NWD2: variants seen among roughly 807,000 people sequenced by gnomAD.
NWD2 encodes the protein NACHT and WD repeat domain containing 2, also known as NACHT and WD repeat domain-containing protein 2.
Under a neutral mutation model 132.7 loss-of-function variants are expected in NWD2, and 37 were observed. That is an observed-to-expected ratio of 0.28 (90% confidence interval 0.21 to 0.37). NWD2 has a LOEUF of 0.37. NWD2 is among the 10% of genes least tolerant of loss of function. The probability of loss-of-function intolerance (pLI) is 1.00; values close to 1 mark genes in which losing one functional copy is unlikely to be tolerated. For synonymous variants in NWD2, 705 were observed against 803.0 expected, an observed-to-expected ratio of 0.88 and a Z score of 2.06; for missense variants, 1,592 against 2,122.4, an observed-to-expected ratio of 0.75 and a Z score of 4.91.
intron 3 of NWD2, among the ~76,000 whole-genome samples, chr4:37,395,742 G>A (rs929592572): frequency 9.2e-5 from 14 of 151,480 alleles, no homozygotes; most frequent in South Asian, 4.2e-4. Flanking sequence ...CTATTTCTCC[G>A]TTTTTCAGGT....
intron 2 of NWD2, among the ~76,000 whole-genome samples, chr4:37,348,646 A>ATG (rs1719691715): frequency 5.4e-5 from 1 of 18,616 alleles, no homozygotes; most frequent in Non-Finnish European, 1.0e-4. Context: ...TCATATATAT[A>ATG]TATATATATA....
rs568505993 is a variant in NWD2 at position 37,345,883 on chromosome 4, C to A, written c.241-10483C>A. ...ATCACCTGAGGTTAGGAGTTAGAGA[C>A]CAGCATGGCCAACATGGCAAAATCC... On this transcript the variant is annotated intron_variant, in intron 2 of 6. Coordinates refer to ENST00000309447, the MANE Select transcript of NWD2 (RefSeq NM_001144990.2). 1.1e-4 allele frequency among the ~76,000 whole-genome samples: 17 copies of A among 152,100 alleles called. No individual in the cohort carries two copies. The South Asian group carries it at 3.5e-3, about 32-fold the overall frequency.
rs1181387441 is a variant in NWD2 at position 37,444,716 on chromosome 4, C to A, written c.2728C>A (p.Leu910Ile). The change falls in exon 7 of 7, where the codon CTT becomes ATT. Residue 910 changes from leucine to isoleucine, a missense_variant. Coordinates refer to ENST00000309447, the MANE Select transcript of NWD2 (RefSeq NM_001144990.2). This position sits in a 1 kb window ranked among gnomAD's most constrained non-coding sequence, Gnocchi z 4.8. ...KNKVTAFPGS[L>I]SAELQQRLLP... is the part of the protein sequence containing the mutation. ...CAAGGTCACTGCATTTCCCGGCTCC[C>A]TTTCAGCAGAGCTTCAGCAAAGACT... is the stretch of plus-strand genomic sequence containing the variant. The A allele has an allele frequency of 6.4e-7, 1 of 1,552,106 alleles. No individual in the cohort carries two copies. Among genetic ancestry groups the A allele is most frequent in the Non-Finnish European group, 8.7e-7 (1 of 1,147,106 alleles).
intron 3 of NWD2, among the ~76,000 whole-genome samples, chr4:37,385,982 T>TAA (rs1720559019): frequency 6.6e-6 from 1 of 152,184 alleles, no homozygotes; most frequent in African/African-American, 2.4e-5. Flanking sequence ...ATTTGGAGAT[T>TAA]AAAGTTTTTT....
chr4:37,274,258 G>T (rs1452214570), intron 1 of NWD2, among the ~76,000 whole-genome samples: 1 of 151,914 alleles, frequency 6.6e-6, no homozygotes, highest in Admixed American at 6.6e-5. Context: ...TATCACCACC[G>T]ATCCCACAGA....
At chr4:37,405,897 A>G (rs913586268) in intron 3 of NWD2, among the ~76,000 whole-genome samples, 2 of 152,220 alleles carry the variant, frequency 1.3e-5, no homozygotes, top group Admixed American at 6.5e-5. Flanking sequence ...TGATCAGGCA[A>G]TTTGGCTTAG....
At chr4:37,394,799 GTTTTTTTTTTTTT>G (rs1175840735) in intron 3 of NWD2, among the ~76,000 whole-genome samples, 3 of 52,596 alleles carry the variant, frequency 5.7e-5, no homozygotes, top group Non-Finnish European at 9.6e-5. Flanking sequence ...AACCTTTATG[GTTTTTTTTTTTTT>G]TTTTTTTTTT....
At chr4:37,348,092 C>T (rs1417013065) in intron 2 of NWD2, among the ~76,000 whole-genome samples, 1 of 152,074 alleles carries the variant, frequency 6.6e-6, no homozygotes, top group Non-Finnish European at 1.5e-5. Context: ...TAAAATCATA[C>T]AAAAATGGAG....
rs16993492 is a variant in NWD2 at position 37,379,969 on chromosome 4, C to T, written c.357+23487C>T. Among the ~76,000 whole-genome samples, 797 of 152,246 alleles carry T rather than the reference C, an allele frequency of 5.2e-3. 9 individuals carry two copies. Among genetic ancestry groups the T allele is most frequent in the African/African-American group, 0.018 (760 of 41,548 alleles). ...AAGAGCAGAAATTACTGGAAACAAC[C>T]GAAAAGTAAAGGCAAGAAGCATTTG... is the stretch of plus-strand genomic sequence containing the variant. On this transcript the variant is annotated intron_variant, in intron 3 of 6. Coordinates refer to ENST00000309447, the MANE Select transcript of NWD2 (RefSeq NM_001144990.2).
chr4:37,386,825 A>G (rs1028542487), intron 3 of NWD2, among the ~76,000 whole-genome samples: 3 of 149,276 alleles, frequency 2.0e-5, no homozygotes, highest in African/African-American at 5.2e-5. Flanking sequence ...TTCACGCAAG[A>G]TCTGGTTGTG....
intron 3 of NWD2, among the ~76,000 whole-genome samples, chr4:37,402,588 G>T (rs1051013890): frequency 2.6e-5 from 4 of 152,134 alleles, no homozygotes; most frequent in Non-Finnish European, 4.4e-5. Context: ...CCCATATCTA[G>T]AATTTTTATC....
chr4:37,283,295 T>G (rs1218067574), intron 1 of NWD2, among the ~76,000 whole-genome samples: 1 of 152,180 alleles, frequency 6.6e-6, no homozygotes, highest in Non-Finnish European at 1.5e-5. Flanking sequence ...TAGGAAAAAA[T>G]TACCCTGAGG....
At chr4:37,394,204 A>G (rs999856851) in intron 3 of NWD2, among the ~76,000 whole-genome samples, 1 of 152,210 alleles carries the variant, frequency 6.6e-6, no homozygotes, top group African/African-American at 2.4e-5. Context: ...CCTCATTGTT[A>G]TCTGTCTAGC....
chr4:37,265,832 A>C (rs1453590953), intron 1 of NWD2, among the ~76,000 whole-genome samples: 1 of 152,108 alleles, frequency 6.6e-6, no homozygotes, highest in Non-Finnish European at 1.5e-5. Context: ...ACATCTGCAG[A>C]GTCAGTCCCC....
intron 1 of NWD2, among the ~76,000 whole-genome samples, chr4:37,290,974 G>A (rs1175673430): frequency 6.6e-6 from 1 of 152,086 alleles, no homozygotes; most frequent in African/African-American, 2.4e-5. Flanking sequence ...TGGTTTAATG[G>A]GACTTCTTAA....
In NWD2 at chr4:37,244,941, G is replaced by T. The variant is rs1213564144; in HGVS notation, c.-127G>T. On this transcript the variant is annotated 5_prime_UTR_variant, in exon 1 of 7. Coordinates refer to ENST00000309447, the MANE Select transcript of NWD2 (RefSeq NM_001144990.2). The surrounding 1 kb of genome is among the most constrained non-coding windows in gnomAD (Gnocchi z 5.5). ...AGCTCGCCAAAGGCGCTTCGGGCTCGGAGCGGCTCTGAGCCGCGCCGCCTG... is the reference window on the plus strand; with the variant it reads ...AGCTCGCCAAAGGCGCTTCGGGCTCTGAGCGGCTCTGAGCCGCGCCGCCTG... 7.8e-7 allele frequency: 1 copy of T among 1,285,360 alleles called. No individual in the cohort carries two copies. Among genetic ancestry groups the T allele is most frequent in the African/African-American group, 1.6e-5 (1 of 64,198 alleles). The allele number at this position is 1,285,360 out of a possible 1,614,324, so 79.6% of individuals were successfully genotyped here.
intron 1 of NWD2, among the ~76,000 whole-genome samples, chr4:37,311,544 A>C (rs1356847064): frequency 6.7e-6 from 1 of 149,994 alleles, no homozygotes; most frequent in Non-Finnish European, 1.5e-5. Context: ...GCCCTTTGTC[A>C]GATGAGTAGG....
chr4:37,420,529 CA>C (rs1216033816), intron 3 of NWD2, among the ~76,000 whole-genome samples: 1 of 152,074 alleles, frequency 6.6e-6, no homozygotes, highest in Non-Finnish European at 1.5e-5. Flanking sequence ...ACTAAAAATA[CA>C]AAAATTAGCT....
At chr4:37,247,286 G>T (rs537631451) in intron 1 of NWD2, among the ~76,000 whole-genome samples, 1 of 152,342 alleles carries the variant, frequency 6.6e-6, no homozygotes, top group African/African-American at 2.4e-5. Context: ...GGCAGCACTT[G>T]ACCGTGGGAT....
Sources: gnomAD v4.1 joint callset for allele counts (sites outside exome capture counted in the v4.1 genomes callset) on GRCh38, gnomAD v4.1.1 for gene constraint, Gnocchi (gnomAD v3.1) non-coding constraint, MANE v1.5 for transcripts, NCBI Gene and HGNC (gene_info 2026-07-23, HGNC 2026-07-21) for gene names.